Variants in CHD9 observed in about 807,000 individuals in gnomAD.
CHD9 encodes ATP-dependent chromatin remodeler CHD9.
Under a neutral mutation model 316.1 loss-of-function variants are expected in CHD9, and 77 were observed. That is an observed-to-expected ratio of 0.24 (90% confidence interval 0.20 to 0.29). The LOEUF (loss-of-function observed/expected upper bound fraction) is 0.29. Among genes scored for constraint, CHD9 ranks in the 10% least tolerant of loss-of-function variants. The probability of loss-of-function intolerance (pLI) is 1.00; values close to 1 mark genes in which losing one functional copy is unlikely to be tolerated. For synonymous variants in CHD9, 1,129 were observed against 1,158.3 expected (o/e 0.97, Z 0.51); for missense variants, 2,763 against 3,438.1 (o/e 0.80, Z 4.91).
At position 53,324,625 on chromosome 16, in the gene CHD9, C is replaced by T; in HGVS notation, c.8424C>T (p.Leu2808=). Residue 2808 remains leucine, a synonymous_variant, in exon 39 of 39, where the codon CTC becomes CTT. Transcript: ENST00000447540. ...ATATACTTTATCCAGGGATGCTTCT[C>T]ACTCCAGGCCTTAATCTTCATATTC... ...LSNILYPGML[L]TPGLNLHIPT... is the part of the protein sequence containing the mutation. The T allele has an allele frequency of 1.9e-6, 3 of 1,613,732 alleles. No homozygotes were observed. Among genetic ancestry groups the T allele is most frequent in the Non-Finnish European group, 2.5e-6 (3 of 1,179,794 alleles).
At chr16:53,114,166 A>G (rs952973800) in intron 1 of CHD9, among the ~76,000 whole-genome samples, 3 of 152,038 alleles carry the variant, frequency 2.0e-5, no homozygotes, top group African/African-American at 4.8e-5. Flanking sequence ...ATGAACAAGC[A>G]TTTTTGAACC....
chr16:53,292,474 G>A (rs1203854296), intron 28 of CHD9, among the ~76,000 whole-genome samples: 2 of 152,144 alleles, frequency 1.3e-5, no homozygotes, highest in African/African-American at 4.8e-5. Context: ...ACTTAATACA[G>A]AAGGCTTCCA....
intron 31 of CHD9, among the ~76,000 whole-genome samples, chr16:53,305,157 G>T (rs2055840239): frequency 6.6e-6 from 1 of 152,012 alleles, no homozygotes; most frequent in South Asian, 2.1e-4. Flanking sequence ...TGTCTCCCAG[G>T]TTCAAGCGAT....
Position 53,292,928 on chromosome 16 carries a change from A to T in CHD9, c.5386A>T (p.Asn1796Tyr). Reference sequence around the variant, plus strand: ...TCTCATCACTGCATACCAGCGTACTAATAAAAACAGACAAATTCAGCAGAT... The same window carrying T: ...TCTCATCACTGCATACCAGCGTACTTATAAAAACAGACAAATTCAGCAGAT... Reference protein sequence around the residue: ...RRLITAYQRTNKNRQIQQIQP... With the variant: ...RRLITAYQRTYKNRQIQQIQP... The change falls in exon 29 of 39, where the codon AAT becomes TAT. Residue 1796 changes from asparagine to tyrosine, a missense_variant. Around this residue, in one of 15 missense-constraint regions of CHD9, gnomAD observed 183 missense variants for 258.5 expected, o/e 0.71. Coordinates refer to ENST00000447540, the MANE Select transcript of CHD9 (RefSeq NM_001308319.2). 6.2e-7 allele frequency: 1 copy of T among 1,613,862 alleles called. No homozygotes were observed. Among genetic ancestry groups the T allele is most frequent in the Non-Finnish European group, 8.5e-7 (1 of 1,179,818 alleles).
At chr16:53,164,356 T>C (rs2042125024) in intron 2 of CHD9, among the ~76,000 whole-genome samples, 1 of 152,134 alleles carries the variant, frequency 6.6e-6, no homozygotes, top group African/African-American at 2.4e-5. Context: ...AGAGGATCAC[T>C]TGAAGTCAGG....
Position 53,249,860 on chromosome 16 carries a change from T to G in CHD9, c.3666-11T>G, listed in dbSNP as rs772507844. The G allele has an allele frequency of 6.3e-7, 1 of 1,596,354 alleles. No homozygotes were observed. ...CTTATTTATGTAAATTTATTCCATTTCATTCCATAGATACTTATATGAGCG... is the reference window on the plus strand; with the variant it reads ...CTTATTTATGTAAATTTATTCCATTGCATTCCATAGATACTTATATGAGCG... On this transcript the variant is annotated splice_polypyrimidine_tract_variant and intron_variant, in intron 16 of 38. Transcript: ENST00000447540.
intron 19 of CHD9, among the ~76,000 whole-genome samples, chr16:53,257,763 A>G (rs1685243857): frequency 6.6e-6 from 1 of 152,200 alleles, no homozygotes; most frequent in South Asian, 2.1e-4. Flanking sequence ...TCAGAAAAAA[A>G]GTAGTTCCTT....
chr16:53,147,102 C>G (rs551225216), intron 1 of CHD9, among the ~76,000 whole-genome samples: 1 of 152,020 alleles, frequency 6.6e-6, no homozygotes, highest in Non-Finnish European at 1.5e-5. Context: ...GGAGTGTAGG[C>G]TTTAAGATAA....
chr16:53,143,575 G>C (rs2040319789), intron 1 of CHD9, among the ~76,000 whole-genome samples: 1 of 151,892 alleles, frequency 6.6e-6, no homozygotes, highest in Admixed American at 6.6e-5. Context: ...TTTTAGTAGA[G>C]ACAGGGTTGC....
At position 53,318,255 on chromosome 16, in the gene CHD9, G is replaced by A. The variant is rs1241503163; in HGVS notation, c.7628G>A (p.Arg2543His). 2 of 1,612,802 alleles carry A rather than the reference G, an allele frequency of 1.2e-6. No homozygotes were observed. Among genetic ancestry groups the A allele is most frequent in the East Asian group, 2.2e-5 (1 of 44,790 alleles). ...GGAAGACCCAAACAAAAAAGACACC[G>A]TTGCAGAAACCCCAATAAACTAGAT... is the stretch of plus-strand genomic sequence containing the variant. ...HEGRPKQKRH[R>H]CRNPNKLDVN... The change falls in exon 37 of 39, where the codon CGT (arginine) becomes CAT (histidine). Residue 2543 changes from arginine (R) to histidine (H), a missense_variant. Coordinates refer to ENST00000447540, the MANE Select transcript of CHD9 (RefSeq NM_001308319.2).
At chr16:53,097,484 CA>C (rs1411220555) in intron 1 of CHD9, among the ~76,000 whole-genome samples, 1 of 152,016 alleles carries the variant, frequency 6.6e-6, no homozygotes, top group Non-Finnish European at 1.5e-5. Flanking sequence ...ACTGCAGCCT[CA>C]AACTCCTAGG....
intron 29 of CHD9, among the ~76,000 whole-genome samples, chr16:53,296,351 G>A (rs555807080): frequency 1.5e-4 from 23 of 151,796 alleles, no homozygotes; most frequent in African/African-American, 5.6e-4. Flanking sequence ...ATTGTCTGAA[G>A]GAATAGTGTA....
At chr16:53,221,833 A>G (rs1046642797) in intron 3 of CHD9, among the ~76,000 whole-genome samples, 2 of 152,180 alleles carry the variant, frequency 1.3e-5, no homozygotes, top group African/African-American at 2.4e-5. Context: ...TTTCTACTGT[A>G]GAGCAGAAGG....
intron 1 of CHD9, among the ~76,000 whole-genome samples, chr16:53,119,387 A>G (rs2038568262): frequency 6.6e-6 from 1 of 152,198 alleles, no homozygotes; most frequent in South Asian, 2.1e-4. Flanking sequence ...AAAAAAACAA[A>G]ACAAGATTGT....
chr16:53,191,212 CT>C (rs898727749), intron 2 of CHD9, among the ~76,000 whole-genome samples: 1 of 151,980 alleles, frequency 6.6e-6, no homozygotes, highest in African/African-American at 2.4e-5. Flanking sequence ...CTACTTTTTT[CT>C]TTATGGCTTT....
chr16:53,283,405 T>TGA (rs1567617383), intron 24 of CHD9, among the ~76,000 whole-genome samples: 1 of 148,916 alleles, frequency 6.7e-6, no homozygotes, highest in Non-Finnish European at 1.5e-5. Flanking sequence ...CAGCAACACC[T>TGA]AATGTGCTTA....
rs747681489 is a variant in CHD9, at chr16:53,285,696, C to T, written c.5068C>T (p.His1690Tyr). The part of the protein sequence containing the change: ...DKSLLIGVFK[H>Y]GYEKYNTIRA... ...GTCACTCCTTATTGGAGTTTTTAAA[C>T]ATGGTAAGTAAGAAGTAAGGTAGGT... The change falls in exon 25 of 39, where the codon CAT becomes TAT. Residue 1690 changes from histidine to tyrosine, a missense_variant. By Grantham distance (83) the His-to-Tyr change is moderately conservative. Around this residue, in one of 15 missense-constraint regions of CHD9, gnomAD observed 5 missense variants for 26.6 expected, o/e 0.19. Transcript: ENST00000447540. 6.3e-7 allele frequency: 1 copy of T among 1,580,838 alleles called. No homozygotes were observed. The highest frequency in any genetic ancestry group is 8.7e-7 in the Non-Finnish European group (1 of 1,153,982).
At chr16:53,286,873 A>T (rs2053921730) in intron 26 of CHD9, among the ~76,000 whole-genome samples, 1 of 152,162 alleles carries the variant, frequency 6.6e-6, no homozygotes, top group African/African-American at 2.4e-5. Context: ...TATATGCTGT[A>T]TGCTATGTAA....
intron 2 of CHD9, among the ~76,000 whole-genome samples, chr16:53,172,579 C>T (rs765359884): frequency 3.9e-5 from 6 of 151,984 alleles, no homozygotes; most frequent in Non-Finnish European, 8.8e-5. Flanking sequence ...TAACTTTTTA[C>T]GAAACTAGGA....
Sources: allele counts gnomAD v4.1 joint callset (sites outside exome capture counted in the v4.1 genomes callset), GRCh38; gene constraint gnomAD v4.1.1; regional missense constraint gnomAD v4.1.1; transcripts MANE v1.5; gene names NCBI Gene and HGNC (gene_info 2026-07-23, HGNC 2026-07-21).